The following COL25A1 variants were observed in gnomAD, a reference collection of about 807,000 sequenced individuals.
COL25A1 encodes collagen type XXV alpha 1 chain.
A neutral mutation model predicts 128.4 loss-of-function variants in COL25A1; 103 were observed. The observed-to-expected ratio is 0.80, with a 90% CI of 0.68 to 0.94. The LOEUF is 0.94. Ranked by LOEUF, COL25A1 falls within the 40% of genes least tolerant of loss-of-function variation. COL25A1 has a pLI of 0.00. For missense variants in COL25A1, 745 were observed against 840.0 expected, an observed-to-expected ratio of 0.89 and a Z score of 1.40; for synonymous variants, 279 against 277.2, an observed-to-expected ratio of 1.01 and a Z score of -0.06.
intron 6 of COL25A1, among the ~76,000 whole-genome samples, chr4:108,977,002 C>G (rs943276276): frequency 6.6e-6 from 1 of 152,164 alleles, no homozygotes; most frequent in African/African-American, 2.4e-5. Context: ...TGTTAGGCTT[C>G]TTGTGAGTTA....
intron 3 of COL25A1, among the ~76,000 whole-genome samples, chr4:109,086,279 T>C (rs1251376175): frequency 6.6e-6 from 1 of 152,192 alleles, no homozygotes; most frequent in Non-Finnish European, 1.5e-5. Flanking sequence ...GCTGAGTGTT[T>C]AGCTCAAAAA....
intron 6 of COL25A1, among the ~76,000 whole-genome samples, chr4:109,003,262 T>A (rs553517701): frequency 5.3e-5 from 8 of 152,298 alleles, no homozygotes; most frequent in African/African-American, 1.9e-4. Flanking sequence ...CTTAAACAAA[T>A]TTATACAATT....
chr4:108,862,558 A>G lies in COL25A1; in HGVS notation c.1153-13T>C, dbSNP rs775693764. On this transcript the variant is annotated splice_polypyrimidine_tract_variant and intron_variant, in intron 21 of 37. Coordinates refer to ENST00000399132, the MANE Select transcript of COL25A1 (RefSeq NM_198721.4). The stretch of plus-strand genomic sequence containing the variant: ...CACCTTGTTTCCCCTATTACAGCAG[A>G]ATAAGAGGATGAAAAAGATAAAATT... 1.9e-6 allele frequency: 3 copies of G among 1,607,398 alleles called. No individual in the cohort carries two copies. The East Asian group carries it at 6.7e-5, about 36-fold the overall frequency.
At chr4:108,989,751 G>A (rs11098022) in intron 6 of COL25A1, among the ~76,000 whole-genome samples, 120,445 of 151,488 alleles carry the variant, frequency 0.8, 49,024 homozygotes, top group East Asian at 1. Context: ...AGAACAACAT[G>A]TTTCTGGAAC....
chr4:108,861,119 G>A (rs1737160028), intron 22 of COL25A1, 148 bp from the exon 23 acceptor site: 1 of 651,594 alleles, frequency 1.5e-6, no homozygotes, highest in Non-Finnish European at 2.7e-6. Flanking sequence ...AATAGCAAAT[G>A]CTTTTTTAAG....
intron 3 of COL25A1, among the ~76,000 whole-genome samples, chr4:109,190,375 AT>A (rs922885389): frequency 1.7e-4 from 26 of 152,214 alleles, no homozygotes; most frequent in African/African-American, 5.5e-4. Context: ...TAAGGAAAAT[AT>A]TTACAAAACA....
chr4:109,043,239 C>T (rs901751627), intron 5 of COL25A1, among the ~76,000 whole-genome samples: 7 of 152,042 alleles, frequency 4.6e-5, no homozygotes, highest in African/African-American at 1.7e-4. Flanking sequence ...CAGGAAAAGA[C>T]ACAATTTGAC....
rs936243916 is a variant in COL25A1 at position 109,207,228 on chromosome 4, G to A, written c.367+93355C>T. On this transcript the variant is annotated intron_variant, in intron 3 of 37. Transcript: ENST00000399132. ...GGAAGCTGCCAAACAAAGAAATAAG[G>A]AGTGTGCCAGCTGCCTCTGTACCTC... is the stretch of plus-strand genomic sequence containing the variant. Among the ~76,000 whole-genome samples the A allele has an allele frequency of 7.9e-5, 12 of 152,210 alleles. No homozygotes were observed. In the East Asian group the frequency reaches 1.9e-3, roughly 24 times the overall value.
At chr4:109,175,185 C>A (rs535793546) in intron 3 of COL25A1, among the ~76,000 whole-genome samples, 1 of 152,250 alleles carries the variant, frequency 6.6e-6, no homozygotes, top group East Asian at 1.9e-4. Context: ...AGCTCTACTG[C>A]CAGAAAAGGA....
At chr4:108,982,708 G>C (rs1342379076) in intron 6 of COL25A1, among the ~76,000 whole-genome samples, 1 of 152,044 alleles carries the variant, frequency 6.6e-6, no homozygotes, top group East Asian at 1.9e-4. Flanking sequence ...CCAAGCAGAG[G>C]GGGTGGGTAT....
chr4:109,253,564 C>T (rs1407892260), intron 3 of COL25A1, among the ~76,000 whole-genome samples: 4 of 152,088 alleles, frequency 2.6e-5, no homozygotes, highest in Admixed American at 6.5e-5. Context: ...ATAGACACAT[C>T]CAGAAAAACG....
In COL25A1 at chr4:108,885,576, A is replaced by G. The variant is rs147639979; in HGVS notation, c.976-1354T>C. Among the ~76,000 whole-genome samples the G allele has an allele frequency of 2.7e-4, 41 of 152,328 alleles. 1 individual carries two copies. In the South Asian group the frequency reaches 8.1e-3, roughly 30 times the overall value. ...CAAGTAGATTAAATTTCACACAGAT[A>G]TAACATTATATATTTGATCTTCTTT... On this transcript the variant is annotated intron_variant, in intron 18 of 37. Transcript: ENST00000399132.
intron 3 of COL25A1, among the ~76,000 whole-genome samples, chr4:109,249,840 T>C (rs1780529478): frequency 6.6e-6 from 1 of 152,332 alleles, no homozygotes; most frequent in African/African-American, 2.4e-5. Flanking sequence ...GAGATAATTC[T>C]AAAGTTATAC....
chr4:108,899,321 T>C (rs6533393), intron 14 of COL25A1, 141 bp from the exon 15 acceptor site: 551,687 of 616,228 alleles, frequency 0.9, 247,911 homozygotes, highest in East Asian at 1. Flanking sequence ...AGTTGCTATA[T>C]GAAAACAAAT....
intron 24 of COL25A1, among the ~76,000 whole-genome samples, chr4:108,858,640 C>T (rs1250052480): frequency 6.6e-6 from 1 of 152,022 alleles, no homozygotes; most frequent in Admixed American, 6.6e-5. Context: ...TATTCTTGGA[C>T]AGCTGGGGGC....
chr4:109,047,154 C>A (rs900890988), intron 5 of COL25A1, among the ~76,000 whole-genome samples: 1 of 152,158 alleles, frequency 6.6e-6, no homozygotes, highest in Admixed American at 6.5e-5. Context: ...TCCAAGCTCA[C>A]TGGGGGTATC....
chr4:109,213,468 C>T (rs1309612104), intron 3 of COL25A1, among the ~76,000 whole-genome samples: 1 of 152,156 alleles, frequency 6.6e-6, no homozygotes, highest in Non-Finnish European at 1.5e-5. Flanking sequence ...TTTCGTGATA[C>T]TTGTTCTTGG....
intron 16 of COL25A1, among the ~76,000 whole-genome samples, chr4:108,893,852 C>G (rs1291826676): frequency 6.6e-6 from 1 of 152,084 alleles, no homozygotes; most frequent in Non-Finnish European, 1.5e-5. Flanking sequence ...AAATTATATT[C>G]CAATTACAGC....
intron 8 of COL25A1, among the ~76,000 whole-genome samples, chr4:108,969,404 T>C (rs17039597): frequency 0.033 from 5,099 of 152,308 alleles, 129 homozygotes; most frequent in Middle Eastern, 0.065. Flanking sequence ...CCTGCAATCA[T>C]GAGACAAGGC....
Sources: gnomAD v4.1 joint callset for allele counts (sites outside exome capture counted in the v4.1 genomes callset) on GRCh38, gnomAD v4.1.1 for gene constraint, MANE v1.5 for transcripts, NCBI Gene and HGNC (gene_info 2026-07-23, HGNC 2026-07-21) for gene names.